ARHGAP44: variants seen among roughly 807,000 people sequenced by gnomAD.
The protein encoded by ARHGAP44 is Rho GTPase activating protein 44, also known as rho GTPase-activating protein 44.
A neutral mutation model predicts 106.8 loss-of-function variants in ARHGAP44; 43 were observed. The ratio of observed to expected loss-of-function variants is 0.40; its 90% confidence interval spans 0.32 to 0.52. The LOEUF is 0.52. Ranked by LOEUF, ARHGAP44 falls within the 20% of genes least tolerant of loss-of-function variation. The pLI, the probability that ARHGAP44 is intolerant of heterozygous loss-of-function variation, is 0.48. For synonymous variants in ARHGAP44, 439 were observed against 410.3 expected, an observed-to-expected ratio of 1.07 and a Z score of -0.85; for missense variants, 866 against 1,050.5, an observed-to-expected ratio of 0.82 and a Z score of 2.43.
chr17:12,987,859 C>T (rs1047668431), intron 20 of ARHGAP44: 2 of 152,114 alleles, frequency 1.3e-5, no homozygotes, highest in African/African-American at 2.4e-5. Flanking sequence ...TCTATTTGGT[C>T]TCCTCCTCCT....
chr17:12,804,055 C>A (rs1198549264), intron 1 of ARHGAP44, among the ~76,000 whole-genome samples: 2 of 152,174 alleles, frequency 1.3e-5, no homozygotes, highest in Non-Finnish European at 2.9e-5. Context: ...GTCCAGGTGT[C>A]TTGTGATTAA....
intron 16 of ARHGAP44, among the ~76,000 whole-genome samples, chr17:12,971,953 CCTT>C (rs1294300051): frequency 6.6e-6 from 1 of 152,212 alleles, no homozygotes; most frequent in Non-Finnish European, 1.5e-5. Context: ...CACCATCCCA[CCTT>C]CTGCAACCAA....
rs148190684 is a variant in ARHGAP44 at position 12,828,434 on chromosome 17, T to C, written c.53+38543T>C. On this transcript the variant is annotated intron_variant, in intron 1 of 20. Transcript: ENST00000379672. ...CCTAATCACAATAGAAGTTGAATTA[T>C]AGCAAATGCTCTTTCTGCATCCATT... Among the ~76,000 whole-genome samples the C allele has an allele frequency of 8.1e-3, 1,233 of 152,234 alleles. 25 individuals carry two copies. Among genetic ancestry groups the C allele is most frequent in the African/African-American group, 0.029 (1,189 of 41,544 alleles).
At chr17:12,873,581 T>C (rs2036463246) in intron 1 of ARHGAP44, among the ~76,000 whole-genome samples, 1 of 152,206 alleles carries the variant, frequency 6.6e-6, no homozygotes, top group Admixed American at 6.5e-5. Flanking sequence ...CATTGAAGTA[T>C]AGTATAAGAA....
intron 7 of ARHGAP44, 49 bp from the exon 8 acceptor site, chr17:12,941,007 T>C: frequency 6.5e-7 from 1 of 1,548,344 alleles, no homozygotes; most frequent in Non-Finnish European, 8.9e-7. Flanking sequence ...CATTAGCCAC[T>C]CTCCATTGGT....
intron 10 of ARHGAP44, among the ~76,000 whole-genome samples, chr17:12,945,780 TTTAGC>T (rs888852553): frequency 1.3e-5 from 2 of 152,228 alleles, no homozygotes; most frequent in African/African-American, 2.4e-5. Flanking sequence ...TATCAAATTT[TTTAGC>T]TTAGCTTAGC....
Position 12,990,034 on chromosome 17 carries a change from CTT to C in ARHGAP44, c.2321_2322del (p.Leu774ArgfsTer4). On this transcript the variant is annotated frameshift_variant, in exon 21 of 21. Transcript: ENST00000379672. LOFTEE classifies it high-confidence loss of function. ...CCTCTCTCTCTGCCGCCTTCCAGAT[CTT>C]GTCCACTTTGATATTCCCTCGATCC... is the stretch of plus-strand genomic sequence containing the variant. ...MSPGESMSTDLVHFDIPSIHI... is the reference protein window; with the variant it reads ...MSPGESMSTDXVHFDIPSIHI... 1 of 1,600,936 alleles carries C rather than the reference CTT, an allele frequency of 6.2e-7. No homozygotes were observed. The highest frequency in any genetic ancestry group is 8.6e-7 in the Non-Finnish European group (1 of 1,168,806).
intron 5 of ARHGAP44, among the ~76,000 whole-genome samples, chr17:12,919,331 G>A (rs751044862): frequency 3.3e-4 from 50 of 151,844 alleles, no homozygotes; most frequent in Non-Finnish European, 6.8e-4. Flanking sequence ...TAAGGATTGC[G>A]AGACCGCTAG....
chr17:12,844,726 C>G (rs1192305810), intron 1 of ARHGAP44, among the ~76,000 whole-genome samples: 2 of 152,068 alleles, frequency 1.3e-5, no homozygotes, highest in African/African-American at 2.4e-5. Flanking sequence ...TTTTCATTTT[C>G]TTCTTCCAAG....
intron 19 of ARHGAP44, among the ~76,000 whole-genome samples, chr17:12,983,213 C>A (rs967269299): frequency 1.4e-5 from 2 of 140,434 alleles, no homozygotes; most frequent in Admixed American, 7.7e-5. Context: ...TGCAGAGAGC[C>A]GAGATCGCGC....
intron 1 of ARHGAP44, among the ~76,000 whole-genome samples, chr17:12,837,866 G>A (rs2035283616): frequency 1.3e-5 from 2 of 152,084 alleles, no homozygotes; most frequent in South Asian, 4.2e-4. Context: ...TTTACTGATG[G>A]TTTGAGTAAT....
intron 3 of ARHGAP44, among the ~76,000 whole-genome samples, chr17:12,908,492 A>G (rs1054228592): frequency 5.9e-5 from 9 of 152,192 alleles, no homozygotes; most frequent in Non-Finnish European, 1.0e-4. Flanking sequence ...GGTGTGAGCC[A>G]CCACGCCCAG....
In ARHGAP44 at chr17:12,975,525, A is replaced by G. The variant is rs200614204; in HGVS notation, c.1763+1215A>G. Among the ~76,000 whole-genome samples, 59 of 152,190 alleles carry G rather than the reference A, an allele frequency of 3.9e-4. No homozygotes were observed. The East Asian group carries it at 6.8e-3, about 18-fold the overall frequency. On this transcript the variant is annotated intron_variant, in intron 18 of 20. Coordinates refer to ENST00000379672, the MANE Select transcript of ARHGAP44 (RefSeq NM_014859.6). ...TTTAAAGATAAAAAGATGGCCGGGCACGGTGGCTCACGCCTGTAATCCCAG... is the reference window on the plus strand; with the variant it reads ...TTTAAAGATAAAAAGATGGCCGGGCGCGGTGGCTCACGCCTGTAATCCCAG...
rs77777470 is a variant in ARHGAP44, at chr17:12,897,230, T to C, written c.198+719T>C. 2.0e-3 allele frequency among the ~76,000 whole-genome samples: 304 copies of C among 150,628 alleles called. 2 individuals are homozygous for C. Among genetic ancestry groups the C allele is most frequent in the African/African-American group, 6.7e-3 (273 of 40,796 alleles). On this transcript the variant is annotated intron_variant, in intron 3 of 20. Coordinates refer to ENST00000379672, the MANE Select transcript of ARHGAP44 (RefSeq NM_014859.6). ...AGGTTTTTCTCCTCCTTCCTTGAGT[T>C]TATAATCTACATGATTGGTATCATT...
intron 16 of ARHGAP44, among the ~76,000 whole-genome samples, chr17:12,966,995 G>A (rs1236717440): frequency 6.6e-6 from 1 of 151,860 alleles, no homozygotes; most frequent in East Asian, 1.9e-4. Flanking sequence ...CTTGGAGCTG[G>A]GATCTTCCAA....
chr17:12,913,305 A>G (rs918633779), intron 4 of ARHGAP44, among the ~76,000 whole-genome samples: 5 of 152,160 alleles, frequency 3.3e-5, no homozygotes, highest in Non-Finnish European at 7.3e-5. Flanking sequence ...GGAAAGTGGC[A>G]GAGTATTTTG....
At chr17:12,932,102 A>T (rs1022534923) in intron 7 of ARHGAP44, among the ~76,000 whole-genome samples, 3 of 152,172 alleles carry the variant, frequency 2.0e-5, no homozygotes, top group Non-Finnish European at 4.4e-5. Flanking sequence ...TTGACAGTTT[A>T]CTTCTCTGAA....
At chr17:12,934,264 A>G (rs1027394994) in intron 7 of ARHGAP44, among the ~76,000 whole-genome samples, 2 of 152,056 alleles carry the variant, frequency 1.3e-5, no homozygotes, top group Non-Finnish European at 2.9e-5. Context: ...TCAATGTATA[A>G]TCTTTCCTTT....
rs9907874 is a variant in ARHGAP44, at chr17:12,913,815, A to C, written c.276-2085A>C. 1.9e-3 allele frequency among the ~76,000 whole-genome samples: 286 copies of C among 152,138 alleles called. 1 individual carries two copies. Among genetic ancestry groups the C allele is most frequent in the African/African-American group, 6.5e-3 (271 of 41,480 alleles). On this transcript the variant is annotated intron_variant, in intron 4 of 20. Coordinates refer to ENST00000379672, the MANE Select transcript of ARHGAP44 (RefSeq NM_014859.6). The stretch of plus-strand genomic sequence containing the variant: ...AAACCCTGTCTCTACTAAAAATATA[A>C]AAAATTAGCTGGGTGCAGTGGTGCA...
Sources: gnomAD v4.1 joint callset for allele counts (sites outside exome capture counted in the v4.1 genomes callset) on GRCh38, gnomAD v4.1.1 for gene constraint, MANE v1.5 for transcripts, NCBI Gene and HGNC (gene_info 2026-07-23, HGNC 2026-07-21) for gene names.